Variants in CDIN1 observed in about 807,000 individuals in gnomAD.
CDIN1 encodes CDAN1 interacting nuclease 1.
CDIN1 carries 33 observed loss-of-function variants against 45.3 expected under a neutral mutation model. That is an observed-to-expected ratio of 0.73 (90% CI 0.55 to 0.97). The LOEUF is 0.97. Among genes scored for constraint, CDIN1 ranks in the 50% least tolerant of loss-of-function variants. CDIN1 has a pLI of 0.00. For missense variants in CDIN1, 303 were observed against 339.4 expected, an observed-to-expected ratio of 0.89 and a Z score of 0.84; for synonymous variants, 118 against 124.4, an observed-to-expected ratio of 0.95 and a Z score of 0.34.
At chr15:36,641,928 C>T (rs552085554) in intron 1 of CDIN1, 8 of 152,232 alleles carry the variant, frequency 5.3e-5, no homozygotes, top group Non-Finnish European at 1.5e-5. Context: ...TTTCTCCTCT[C>T]CTCTTTAGCT....
At chr15:36,735,279 A>G (rs2043976530) in intron 10 of CDIN1, among the ~76,000 whole-genome samples, 1 of 152,168 alleles carries the variant, frequency 6.6e-6, no homozygotes. Flanking sequence ...CATGTACCTC[A>G]TCTCTTAATT....
chr15:36,796,637 A>G (rs1022550642), intron 10 of CDIN1, among the ~76,000 whole-genome samples: 2 of 152,056 alleles, frequency 1.3e-5, no homozygotes, highest in African/African-American at 4.8e-5. Flanking sequence ...TCTTCTGTTC[A>G]CCTCAGATGT....
intron 10 of CDIN1, among the ~76,000 whole-genome samples, chr15:36,723,610 G>C (rs1253250350): frequency 6.6e-6 from 1 of 152,072 alleles, no homozygotes; most frequent in Non-Finnish European, 1.5e-5. Context: ...TTGTCAGCCA[G>C]GCTAGAATGA....
intron 1 of CDIN1, chr15:36,618,019 T>A (rs1566837202): frequency 3.8e-6 from 3 of 783,732 alleles, no homozygotes; most frequent in Middle Eastern, 2.3e-4. Context: ...AGCCTGTATA[T>A]AATCTTCACC....
intron 5 of CDIN1, among the ~76,000 whole-genome samples, chr15:36,662,153 T>C (rs1460599774): frequency 6.6e-6 from 1 of 152,214 alleles, no homozygotes; most frequent in African/African-American, 2.4e-5. Context: ...CTTTCTTTCA[T>C]GTTGCTGTTT....
At chr15:36,805,328 G>A (rs2055191538) in intron 10 of CDIN1, among the ~76,000 whole-genome samples, 1 of 152,132 alleles carries the variant, frequency 6.6e-6, no homozygotes, top group Non-Finnish European at 1.5e-5. Context: ...CCAGCTGGCA[G>A]GGAGGGCTGC....
intron 10 of CDIN1, among the ~76,000 whole-genome samples, chr15:36,804,169 T>C (rs1204739228): frequency 6.6e-6 from 1 of 152,186 alleles, no homozygotes; most frequent in Non-Finnish European, 1.5e-5. Context: ...GTTCGATATA[T>C]ATAAAGTGCT....
chr15:36,715,911 T>G (rs982381005), intron 10 of CDIN1, among the ~76,000 whole-genome samples: 2 of 152,146 alleles, frequency 1.3e-5, no homozygotes, highest in African/African-American at 4.8e-5. Flanking sequence ...AAGTATCATT[T>G]TTTCAGCATG....
At chr15:36,639,221 C>T (rs780990645) in intron 1 of CDIN1, among the ~76,000 whole-genome samples, 13 of 152,080 alleles carry the variant, frequency 8.5e-5, no homozygotes, top group Non-Finnish European at 1.8e-4. Context: ...CCATGGGTTC[C>T]ACATTGGCAT....
intron 1 of CDIN1, among the ~76,000 whole-genome samples, chr15:36,607,922 C>G (rs924898240): frequency 5.9e-5 from 9 of 152,112 alleles, no homozygotes; most frequent in Non-Finnish European, 1.3e-4. Flanking sequence ...ATGTTTCTAC[C>G]GATTTGCCTA....
intron 7 of CDIN1, among the ~76,000 whole-genome samples, chr15:36,693,275 C>G (rs1242956596): frequency 1.3e-5 from 2 of 152,148 alleles, no homozygotes; most frequent in Non-Finnish European, 2.9e-5. Flanking sequence ...GAAGATACAG[C>G]CCTTTATGTA....
intron 7 of CDIN1, among the ~76,000 whole-genome samples, chr15:36,693,843 T>A (rs2042331785): frequency 6.6e-6 from 1 of 152,246 alleles, no homozygotes; most frequent in South Asian, 2.1e-4. Context: ...TTTTTGCTTA[T>A]ACAGCATTAT....
intron 1 of CDIN1, among the ~76,000 whole-genome samples, chr15:36,588,429 C>G (rs6495851): frequency 0.8 from 121,069 of 152,118 alleles, 48,709 homozygotes; most frequent in East Asian, 0.95. Context: ...TGTGGTGGAC[C>G]TGAGTTCCAG....
At chr15:36,721,616 G>T (rs948540076) in intron 10 of CDIN1, among the ~76,000 whole-genome samples, 2 of 152,096 alleles carry the variant, frequency 1.3e-5, no homozygotes, top group Non-Finnish European at 2.9e-5. Flanking sequence ...ATGTACACTT[G>T]AAACTATTCC....
rs532160405 is a variant in CDIN1 at position 36,670,620 on chromosome 15, C to T, written c.346+12715C>T. On this transcript the variant is annotated intron_variant, in intron 5 of 10. Coordinates refer to ENST00000566621, the MANE Select transcript of CDIN1 (RefSeq NM_001321759.2). ...ATGCTTCAGTCATCACTCTTCTCTC[C>T]GTAAATTATCAAAAATGCTGGATGA... Among the ~76,000 whole-genome samples the T allele has an allele frequency of 9.9e-5, 15 of 152,176 alleles. No homozygotes were observed. The South Asian group carries it at 1.7e-3, about 17-fold the overall frequency.
chr15:36,758,789 G>T (rs1202236976), intron 10 of CDIN1, among the ~76,000 whole-genome samples: 1 of 152,084 alleles, frequency 6.6e-6, no homozygotes, highest in African/African-American at 2.4e-5. Flanking sequence ...CCTTCATGTG[G>T]AGAAAGATTC....
At chr15:36,719,402 G>A (rs1384699690) in intron 10 of CDIN1, among the ~76,000 whole-genome samples, 5 of 152,044 alleles carry the variant, frequency 3.3e-5, no homozygotes, top group African/African-American at 7.2e-5. Flanking sequence ...TCTTAAATTA[G>A]TCAATATAGT....
intron 1 of CDIN1, chr15:36,614,134 A>C: frequency 1.4e-6 from 1 of 739,498 alleles, no homozygotes; most frequent in Non-Finnish European, 2.5e-6. Context: ...ACTGAAATGC[A>C]CCAAAGAGGA....
chr15:36,711,129 A>T (rs1022398418), intron 10 of CDIN1, among the ~76,000 whole-genome samples: 13 of 152,172 alleles, frequency 8.5e-5, no homozygotes, highest in Admixed American at 4.6e-4. Flanking sequence ...GTAATGTGGC[A>T]AATTGAATTT....
Sources: gnomAD v4.1 joint callset for allele counts (sites outside exome capture counted in the v4.1 genomes callset) on GRCh38, gnomAD v4.1.1 for gene constraint, MANE v1.5 for transcripts, NCBI Gene and HGNC (gene_info 2026-07-23, HGNC 2026-07-21) for gene names.